The following TMEM178B variants were observed in gnomAD, a reference collection of about 807,000 sequenced individuals.
TMEM178B encodes the protein transmembrane protein 178B.
A neutral mutation model predicts 31.0 loss-of-function variants in TMEM178B; 5 were observed. The observed-to-expected ratio is 0.16, with a 90% CI of 0.08 to 0.34. The LOEUF (loss-of-function observed/expected upper bound fraction) is 0.34. Ranked by LOEUF, TMEM178B falls within the 10% of genes least tolerant of loss-of-function variation. TMEM178B has a pLI of 1.00. For missense variants in TMEM178B, 275 were observed against 400.3 expected (o/e 0.69, Z 2.67); for synonymous variants, 164 against 164.0 (o/e 1.00, Z 0.00).
At chr7:141,113,238 C>T (rs904887134) in intron 1 of TMEM178B, among the ~76,000 whole-genome samples, 1 of 152,182 alleles carries the variant, frequency 6.6e-6, no homozygotes, top group South Asian at 2.1e-4. Context: ...GCTTGTTTAA[C>T]AGTAGAGTCC....
chr7:141,361,428 G>A (rs1241358302), intron 2 of TMEM178B, among the ~76,000 whole-genome samples: 1 of 152,146 alleles, frequency 6.6e-6, no homozygotes, highest in Non-Finnish European at 1.5e-5. Flanking sequence ...TGGGGGAGAG[G>A]AGAATGAGAG....
chr7:141,337,886 G>A (rs1031899030), intron 2 of TMEM178B, among the ~76,000 whole-genome samples: 1 of 151,876 alleles, frequency 6.6e-6, no homozygotes, highest in African/African-American at 2.4e-5. Flanking sequence ...CACCCAAGCT[G>A]GAGTGCAGTG....
At chr7:141,359,343 TG>T (rs1164248959) in intron 2 of TMEM178B, among the ~76,000 whole-genome samples, 2 of 152,212 alleles carry the variant, frequency 1.3e-5, no homozygotes, top group Admixed American at 6.5e-5. Flanking sequence ...TTGATGGTAT[TG>T]TTGAAGTTCT....
intron 3 of TMEM178B, among the ~76,000 whole-genome samples, chr7:141,458,134 G>T (rs1801998605): frequency 6.6e-6 from 1 of 152,082 alleles, no homozygotes; most frequent in South Asian, 2.1e-4. Context: ...GTTGTTTATT[G>T]TTTGAGATGA....
At chr7:141,263,354 G>A (rs983017676) in intron 2 of TMEM178B, among the ~76,000 whole-genome samples, 1 of 152,146 alleles carries the variant, frequency 6.6e-6, no homozygotes, top group Non-Finnish European at 1.5e-5. Flanking sequence ...AGGCTGATGG[G>A]ATACATGGGC....
chr7:141,370,937 C>A (rs1051606327), intron 2 of TMEM178B, among the ~76,000 whole-genome samples: 1 of 152,184 alleles, frequency 6.6e-6, no homozygotes, highest in South Asian at 2.1e-4. Flanking sequence ...AGAGGATGCA[C>A]GGTTACCAGG....
chr7:141,152,488 G>A (rs1795992570), intron 1 of TMEM178B, among the ~76,000 whole-genome samples: 2 of 152,196 alleles, frequency 1.3e-5, no homozygotes. Flanking sequence ...GTTTCTGCGA[G>A]TCCTGGAACT....
chr7:141,497,516 A>G, the TMEM178B span, among the ~76,000 whole-genome samples: 7 of 152,154 alleles, frequency 4.6e-5, no homozygotes, highest in Non-Finnish European at 1.0e-4. Context: ...TCTAATATAG[A>G]CTGTAGCCTA....
At chr7:141,365,329 G>A (rs1713102228) in intron 2 of TMEM178B, among the ~76,000 whole-genome samples, 1 of 152,236 alleles carries the variant, frequency 6.6e-6, no homozygotes, top group Non-Finnish European at 1.5e-5. Context: ...AGGCAGACAA[G>A]CTTGAAGCCC....
At chr7:141,404,072 G>A (rs559113999) in intron 2 of TMEM178B, among the ~76,000 whole-genome samples, 12 of 152,320 alleles carry the variant, frequency 7.9e-5, no homozygotes, top group African/African-American at 2.6e-4. Context: ...CTGGGGGGCC[G>A]AGACGGGCGG....
chr7:141,095,763 A>G (rs937622061), intron 1 of TMEM178B, among the ~76,000 whole-genome samples: 1 of 152,232 alleles, frequency 6.6e-6, no homozygotes. Context: ...CTGAGGCTCA[A>G]AAATGTTTAC....
intron 2 of TMEM178B, among the ~76,000 whole-genome samples, chr7:141,407,487 G>T (rs937680622): frequency 2.6e-5 from 4 of 152,152 alleles, no homozygotes; most frequent in African/African-American, 9.7e-5. Context: ...GCATTAGAAT[G>T]GTTCCCAGCA....
chr7:141,465,543 A>G (rs1422950421), intron 3 of TMEM178B, among the ~76,000 whole-genome samples: 2 of 152,250 alleles, frequency 1.3e-5, no homozygotes, highest in East Asian at 1.9e-4. Flanking sequence ...GATTCAATCA[A>G]TGTTTGTCAA....
At chr7:141,401,401 C>T (rs984428417) in intron 2 of TMEM178B, among the ~76,000 whole-genome samples, 1 of 151,978 alleles carries the variant, frequency 6.6e-6, no homozygotes, top group African/African-American at 2.4e-5. Flanking sequence ...CAGGGGTTAT[C>T]TTTTCTTTTA....
At chr7:141,086,823 G>A (rs1333478598) in intron 1 of TMEM178B, among the ~76,000 whole-genome samples, 4 of 151,920 alleles carry the variant, frequency 2.6e-5, no homozygotes, top group Non-Finnish European at 5.9e-5. Flanking sequence ...CCTCAGCCTC[G>A]ATTACAGGCA....
rs1802436366 is a variant in TMEM178B, at chr7:141,479,496, C to T, written c.*8710C>T. 6.6e-6 allele frequency: 1 copy of T among 152,128 alleles called. No homozygotes were observed. Among genetic ancestry groups the T allele is most frequent in the African/African-American group, 2.4e-5 (1 of 41,420 alleles). 9.4% of individuals were successfully genotyped at this position (152,128 alleles called of 1,614,324 possible). A position where few individuals can be genotyped will look rare whatever the true frequency, so the allele number is the denominator to read the frequency against. On this transcript the variant is annotated 3_prime_UTR_variant, in exon 4 of 4. Coordinates refer to ENST00000565468, the MANE Select transcript of TMEM178B (RefSeq NM_001195278.2). ...GAGACCTTCCTTAGGATTGAAGAAA[C>T]CTCTTTTGTTTGTGAAAAAGATAGG...
At position 141,344,611 on chromosome 7, in the gene TMEM178B, CCTT is replaced by C. The variant is rs1452984638; in HGVS notation, c.497-92995_497-92993del. Among the ~76,000 whole-genome samples, 6 of 149,918 alleles carry C rather than the reference CCTT, an allele frequency of 4.0e-5. No individual in the cohort carries two copies. In the South Asian group the frequency reaches 8.8e-4, roughly 22 times the overall value. ...TCCTTCCTTCCTTCCTTCCTTCCTT[CCTT>C]CCTTCCTTCCTTCCTCCCTTCCTTC... is the stretch of plus-strand genomic sequence containing the variant. On this transcript the variant is annotated intron_variant, in intron 2 of 3. Transcript: ENST00000565468. This position sits in a 1 kb window ranked among gnomAD's most constrained non-coding sequence, Gnocchi z 4.1.
At chr7:141,487,085 T>A in the TMEM178B span, among the ~76,000 whole-genome samples, 1 of 152,160 alleles carries the variant, frequency 6.6e-6, no homozygotes, top group Non-Finnish European at 1.5e-5. Flanking sequence ...CCAAGTCAAA[T>A]GTTCGCTGCA....
chr7:141,384,779 A>G (rs910559968), intron 2 of TMEM178B, among the ~76,000 whole-genome samples: 6 of 152,046 alleles, frequency 3.9e-5, no homozygotes, highest in African/African-American at 1.4e-4. Flanking sequence ...TTTTATTTTC[A>G]ACATGTGGAG....
Sources: gnomAD v4.1 joint callset for allele counts (sites outside exome capture counted in the v4.1 genomes callset) on GRCh38, gnomAD v4.1.1 for gene constraint, Gnocchi (gnomAD v3.1) non-coding constraint, MANE v1.5 for transcripts, NCBI Gene and HGNC (gene_info 2026-07-23, HGNC 2026-07-21) for gene names.